AIM2: variants seen among roughly 807,000 people sequenced by gnomAD.
AIM2 encodes absent in melanoma 2.
AIM2 carries 30 observed loss-of-function variants against 27.7 expected under a neutral mutation model. That is an observed-to-expected ratio of 1.08 (90% CI 0.81 to 1.47). The LOEUF (loss-of-function observed/expected upper bound fraction) is 1.47. AIM2 is among the 40% of genes most tolerant of loss of function. The pLI, the probability that AIM2 is intolerant of heterozygous loss-of-function variation, is 0.00. For missense variants in AIM2, 358 were observed against 411.3 expected (o/e 0.87, Z 1.12); for synonymous variants, 141 against 145.3 (o/e 0.97, Z 0.21).
chr1:159,062,803 G>A (rs1342663890), intron 5 of AIM2, 85 bp from the exon 6 acceptor site: 1 of 1,236,274 alleles, frequency 8.1e-7, no homozygotes, highest in African/African-American at 1.5e-5. Flanking sequence ...GCCTTCTGAA[G>A]TGTATGTATC....
chr1:159,139,860 C>A (rs1648077718), intron 1 of AIM2, among the ~76,000 whole-genome samples: 1 of 152,146 alleles, frequency 6.6e-6, no homozygotes. Context: ...AGCAAACCAT[C>A]GAGTGGGCCC....
intron 1 of AIM2, among the ~76,000 whole-genome samples, chr1:159,074,374 T>C (rs1214509234): frequency 2.0e-5 from 3 of 152,200 alleles, no homozygotes; most frequent in South Asian, 2.1e-4. Flanking sequence ...TAAGTGATGA[T>C]TCAAAGTTCA....
Sources: allele counts gnomAD v4.1 joint callset (sites outside exome capture counted in the v4.1 genomes callset), GRCh38; gene constraint gnomAD v4.1.1; transcripts MANE v1.5; gene names NCBI Gene and HGNC (gene_info 2026-07-23, HGNC 2026-07-21).